Variants in POC5 observed in about 807,000 individuals in gnomAD.
POC5 encodes centrosomal protein POC5.
POC5 carries 48 observed loss-of-function variants against 62.9 expected under a neutral mutation model. That is an observed-to-expected ratio of 0.76 (90% CI 0.61 to 0.97). The LOEUF (loss-of-function observed/expected upper bound fraction) is 0.97. Ranked by LOEUF, POC5 falls within the 50% of genes least tolerant of loss-of-function variation. The probability of loss-of-function intolerance (pLI) is 0.00; values close to 1 mark genes in which losing one functional copy is unlikely to be tolerated. For missense variants in POC5, 696 were observed against 679.5 expected (o/e 1.02, Z -0.27); for synonymous variants, 236 against 228.2 (o/e 1.03, Z -0.31).
Position 75,708,174 on chromosome 5 carries a change from T to C in POC5, c.85-299A>G, listed in dbSNP as rs1777200976. 2.6e-5 allele frequency among the ~76,000 whole-genome samples: 4 copies of C among 151,932 alleles called. No homozygotes were observed. The South Asian group carries it at 8.3e-4, about 32-fold the overall frequency. On this transcript the variant is annotated intron_variant, in intron 2 of 11. Coordinates refer to ENST00000428202, the MANE Select transcript of POC5 (RefSeq NM_001099271.2). ...CTGAGCAACAAAGTGAGACCTCATC[T>C]CTACAATAAATTTTTTACAAAAATT...
chr5:75,681,971 G>A (rs944001966), intron 10 of POC5, among the ~76,000 whole-genome samples: 2 of 152,172 alleles, frequency 1.3e-5, no homozygotes, highest in African/African-American at 4.8e-5. Context: ...GTAAATCTGA[G>A]TATTTCAACT....
chr5:75,683,189 A>C (rs1775936190), intron 10 of POC5, among the ~76,000 whole-genome samples: 2 of 151,640 alleles, frequency 1.3e-5, no homozygotes, highest in South Asian at 4.2e-4. Context: ...AAAACTATAC[A>C]TGCCTTTATA....
chr5:75,715,352 TTTATAAATA>T, intron 1 of POC5, among the ~76,000 whole-genome samples: 1 of 148,914 alleles, frequency 6.7e-6, no homozygotes, highest in South Asian at 2.1e-4. Flanking sequence ...AACTGGGTAA[TTTATAAATA>T]AAAGAATTTT....
At chr5:75,698,045 C>T (rs1168295775) in intron 5 of POC5, among the ~76,000 whole-genome samples, 2 of 144,630 alleles carry the variant, frequency 1.4e-5, no homozygotes, top group Non-Finnish European at 3.1e-5. Flanking sequence ...GCACCCAATA[C>T]AAGAGCACCC....
chr5:75,694,959 G>C (rs1345144991), intron 5 of POC5, 128 bp from the exon 6 acceptor site: 1 of 642,008 alleles, frequency 1.6e-6, no homozygotes, highest in Non-Finnish European at 2.5e-6. Flanking sequence ...AAAACAATTG[G>C]AACACATTAA....
chr5:75,692,305 C>T (rs1776369912), intron 7 of POC5, 91 bp downstream of exon 7: 1 of 840,300 alleles, frequency 1.2e-6, no homozygotes, highest in African/African-American at 1.8e-5. Context: ...TTCATTTTGA[C>T]TTATTAGAAA....
intron 10 of POC5, among the ~76,000 whole-genome samples, chr5:75,678,342 G>A (rs897968249): frequency 6.6e-6 from 1 of 152,046 alleles, no homozygotes; most frequent in African/African-American, 2.4e-5. Context: ...ATGAGATAAT[G>A]CCTGTGTATA....
rs777761464 is a variant in POC5, at chr5:75,705,797, A to G, written c.224-10T>C. The G allele has an allele frequency of 3.8e-5, 57 of 1,516,718 alleles. No individual in the cohort carries two copies. The highest frequency in any genetic ancestry group is 5.0e-5 in the Non-Finnish European group (56 of 1,130,280). The allele number at this position is 1,516,718 out of a possible 1,614,324, so 94.0% of individuals were successfully genotyped here. On this transcript the variant is annotated splice_polypyrimidine_tract_variant and intron_variant, in intron 3 of 11. Coordinates refer to ENST00000428202, the MANE Select transcript of POC5 (RefSeq NM_001099271.2). ...ACTTCAGAGTTATTTCCTGCCAAAAAGAAAGCTTTTTAAAATTAAACTGAA... is the reference window on the plus strand; with the variant it reads ...ACTTCAGAGTTATTTCCTGCCAAAAGGAAAGCTTTTTAAAATTAAACTGAA...
At chr5:75,693,381 T>C (rs1318288533) in intron 6 of POC5, among the ~76,000 whole-genome samples, 2 of 151,930 alleles carry the variant, frequency 1.3e-5, no homozygotes, top group African/African-American at 4.8e-5. Context: ...CCAAGAGATA[T>C]TTATAACTGC....
chr5:75,716,396 G>T (rs755348543), intron 1 of POC5, among the ~76,000 whole-genome samples: 1,381 of 82,774 alleles, frequency 0.017, 20 homozygotes, highest in Non-Finnish European at 0.02. Flanking sequence ...GGGGGGGGGG[G>T]TGCTGATTAT....
At chr5:75,693,347 G>A (rs1176065701) in intron 6 of POC5, among the ~76,000 whole-genome samples, 1 of 151,800 alleles carries the variant, frequency 6.6e-6, no homozygotes, top group African/African-American at 2.4e-5. Flanking sequence ...ATTAGAAAGA[G>A]ATTTTGTAAA....
intron 5 of POC5, among the ~76,000 whole-genome samples, chr5:75,701,364 T>C (rs1776871578): frequency 8.0e-6 from 1 of 124,320 alleles, no homozygotes; most frequent in Non-Finnish European, 1.8e-5. Context: ...ATGTGGCACA[T>C]ATACACCATG....
intron 6 of POC5, among the ~76,000 whole-genome samples, chr5:75,693,346 A>G (rs1776426366): frequency 6.6e-6 from 1 of 151,964 alleles, no homozygotes; most frequent in South Asian, 2.1e-4. Context: ...CATTAGAAAG[A>G]GATTTTGTAA....
At chr5:75,684,704 A>G (rs1323354924) in intron 10 of POC5, among the ~76,000 whole-genome samples, 3 of 152,056 alleles carry the variant, frequency 2.0e-5, no homozygotes, top group Non-Finnish European at 4.4e-5. Context: ...TCTTTGTCTT[A>G]ATTATCACTA....
chr5:75,677,663 T>C (rs867865913), intron 11 of POC5, 111 bp downstream of exon 11: 19 of 770,004 alleles, frequency 2.5e-5, no homozygotes, highest in African/African-American at 2.2e-4. Flanking sequence ...GCAGAACAAG[T>C]ACCAGTCATC....
chr5:75,682,610 G>T (rs1465239702), intron 10 of POC5, among the ~76,000 whole-genome samples: 2 of 149,088 alleles, frequency 1.3e-5, no homozygotes, highest in African/African-American at 5.0e-5. Flanking sequence ...CTGCCTCCCG[G>T]GTTCAAGTGA....
chr5:75,694,729 G>T lies in POC5; in HGVS notation c.616C>A (p.Gln206Lys). The T allele has an allele frequency of 6.2e-7, 1 of 1,604,174 alleles. No homozygotes were observed. Among genetic ancestry groups the T allele is most frequent in the Non-Finnish European group, 8.5e-7 (1 of 1,173,262 alleles). Residue 206 changes from glutamine to lysine, a missense_variant, in exon 6 of 12, where the codon CAA (glutamine) becomes AAA (lysine). Coordinates refer to ENST00000428202, the MANE Select transcript of POC5 (RefSeq NM_001099271.2). Reference protein sequence around the residue: ...EKEKHAAHLKQLCNQINELKE... With the variant: ...EKEKHAAHLKKLCNQINELKE... ...AATTCATTGATCTGATTACACAGTT[G>T]TTTTAAATGTGCTGCATGTTTTTCT...
At chr5:75,676,909 A>T (rs1775686923) in intron 11 of POC5, among the ~76,000 whole-genome samples, 2 of 152,146 alleles carry the variant, frequency 1.3e-5, no homozygotes, top group African/African-American at 4.8e-5. Flanking sequence ...TATCACTCTT[A>T]TTATACTTTT....
chr5:75,704,394 A>G (rs1040192168), intron 4 of POC5, among the ~76,000 whole-genome samples: 19 of 152,134 alleles, frequency 1.2e-4, no homozygotes, highest in Non-Finnish European at 2.6e-4. Flanking sequence ...GTTTTTTTGC[A>G]AACATATTCT....
Sources: gnomAD v4.1 joint callset for allele counts (sites outside exome capture counted in the v4.1 genomes callset) on GRCh38, gnomAD v4.1.1 for gene constraint, MANE v1.5 for transcripts, NCBI Gene and HGNC (gene_info 2026-07-23, HGNC 2026-07-21) for gene names.